Variants in PPP1R37 observed in about 807,000 individuals in gnomAD.
The protein encoded by PPP1R37 is protein phosphatase 1 regulatory subunit 37, also known as leucine rich repeat containing 68.
PPP1R37 carries 21 observed loss-of-function variants against 61.0 expected under a neutral mutation model. The ratio of observed to expected loss-of-function variants is 0.34; its 90% CI spans 0.24 to 0.50. PPP1R37 has a LOEUF of 0.50. Among genes scored for constraint, PPP1R37 ranks in the 20% least tolerant of loss-of-function variants. The pLI is 0.98. For missense variants in PPP1R37, 910 were observed against 952.7 expected, an observed-to-expected ratio of 0.96 and a Z score of 0.59; for synonymous variants, 443 against 433.5, an observed-to-expected ratio of 1.02 and a Z score of -0.27.
In PPP1R37 at chr19:45,145,589, G is replaced by A. The variant is rs758021006; in HGVS notation, c.1533G>A (p.Ser511=). 12 of 1,535,932 alleles carry A rather than the reference G, an allele frequency of 7.8e-6. No homozygotes were observed. Among genetic ancestry groups the A allele is most frequent in the Non-Finnish European group, 1.0e-5 (12 of 1,146,896 alleles). ...PSPDSDSDSD[S]DGEEEEEEEG... is the part of the protein sequence containing the mutation. Reference sequence around the variant, plus strand: ...CGGACTCAGACTCAGACTCGGACTCGGATGGGGAGGAAGAGGAGGAAGAGG... The same window carrying A: ...CGGACTCAGACTCAGACTCGGACTCAGATGGGGAGGAAGAGGAGGAAGAGG... The change falls in exon 11 of 13, where the codon TCG becomes TCA. Residue 511 remains serine, a synonymous_variant. Transcript: ENST00000221462.
chr19:45,141,471 C>T, intron 5 of PPP1R37, 30 bp downstream of exon 5: 1 of 754,762 alleles, frequency 1.3e-6, no homozygotes, highest in East Asian at 3.2e-5. Flanking sequence ...CAGGAAGAGG[C>T]AGCTCAGGCT....
chr19:45,143,206 TG>T, intron 7 of PPP1R37: 1 of 267,786 alleles, frequency 3.7e-6, no homozygotes, highest in Non-Finnish European at 7.2e-6. Context: ...TGTCAGATGG[TG>T]GGATCTGCAT....
At chr19:45,127,974 C>CAAAA (rs35001139) in intron 1 of PPP1R37, among the ~76,000 whole-genome samples, 1 of 61,854 alleles carries the variant, frequency 1.6e-5, no homozygotes, top group Non-Finnish European at 3.7e-5. Flanking sequence ...GACTCCATCT[C>CAAAA]AAAAAAAAAA....
rs545679991 is a variant in PPP1R37 at position 45,144,994 on chromosome 19, G to A, written c.1128G>A (p.Glu376=). The A allele has an allele frequency of 6.5e-7, 1 of 1,534,542 alleles. No individual in the cohort carries two copies. The highest frequency in any genetic ancestry group is 8.7e-7 in the Non-Finnish European group (1 of 1,146,198). The change falls in exon 9 of 13, where the codon GAG becomes GAA. Residue 376 remains glutamate, a splice_region_variant and synonymous_variant. Transcript: ENST00000221462. ...LGLASTKLTC[E]GAVAVAEFIA... Reference sequence around the variant, plus strand: ...TGGCCTCCACCAAGCTCACGTGCGAGGGTAGGGTACGGGGCCGGGCCAGGG... The same window carrying A: ...TGGCCTCCACCAAGCTCACGTGCGAAGGTAGGGTACGGGGCCGGGCCAGGG...
At position 45,145,230 on chromosome 19, in the gene PPP1R37, G is replaced by C. The variant is rs1401279474; in HGVS notation, c.1266G>C (p.Leu422=). 6.5e-7 allele frequency: 1 copy of C among 1,534,350 alleles called. No homozygotes were observed. Among genetic ancestry groups the C allele is most frequent in the East Asian group, 2.4e-5 (1 of 40,900 alleles). ...ALKVNHSLLR[L]DLDREPKKEA... ...AGGTGAACCACTCACTGCTGCGCCT[G>C]GACCTCGACCGTGAACCCAAGAAAG... The change falls in exon 10 of 13, where the codon CTG becomes CTC. Residue 422 remains leucine (L), a synonymous_variant. Transcript: ENST00000221462.
At chr19:45,112,920 A>C (rs941724920) in intron 1 of PPP1R37, among the ~76,000 whole-genome samples, 2 of 152,184 alleles carry the variant, frequency 1.3e-5, no homozygotes, top group Non-Finnish European at 2.9e-5. Context: ...GACTTTCTGG[A>C]GTAGGACCTG....
intron 1 of PPP1R37, among the ~76,000 whole-genome samples, chr19:45,118,041 C>T (rs1423306651): frequency 6.6e-6 from 1 of 152,206 alleles, no homozygotes; most frequent in Non-Finnish European, 1.5e-5. Context: ...ACCAGCGTCC[C>T]TTCATTTTTC....
intron 1 of PPP1R37, among the ~76,000 whole-genome samples, chr19:45,134,330 A>G (rs1968513077): frequency 6.6e-6 from 1 of 151,438 alleles, no homozygotes; most frequent in South Asian, 2.1e-4. Context: ...GGATACTAAT[A>G]CTCCCGTGAT....
chr19:45,133,220 G>T (rs1029149116), intron 1 of PPP1R37, among the ~76,000 whole-genome samples: 1 of 152,088 alleles, frequency 6.6e-6, no homozygotes, highest in Non-Finnish European at 1.5e-5. Context: ...AGTAGCTGGG[G>T]TTACAGGCAT....
At chr19:45,118,003 G>C (rs553015730) in intron 1 of PPP1R37, among the ~76,000 whole-genome samples, 98 of 152,314 alleles carry the variant, frequency 6.4e-4, no homozygotes, top group Non-Finnish European at 1.3e-3. Flanking sequence ...GGTGCCCAGC[G>C]GTTGTTCACT....
intron 8 of PPP1R37, chr19:45,144,486 TAC>T (rs2122758624): frequency 4.1e-6 from 1 of 244,114 alleles, no homozygotes; most frequent in South Asian, 1.1e-4. Context: ...GCCACTCAGG[TAC>T]AGAGACTCTC....
At chr19:45,106,425 G>A (rs985787592) in intron 1 of PPP1R37, among the ~76,000 whole-genome samples, 1 of 151,834 alleles carries the variant, frequency 6.6e-6, no homozygotes, top group Non-Finnish European at 1.5e-5. Flanking sequence ...TGTATTTTTA[G>A]TAGAGACAGG....
At chr19:45,116,742 C>T (rs1968272814) in intron 1 of PPP1R37, among the ~76,000 whole-genome samples, 1 of 152,164 alleles carries the variant, frequency 6.6e-6, no homozygotes, top group South Asian at 2.1e-4. Flanking sequence ...ACAGTGACGT[C>T]CCTAGACTCA....
chr19:45,117,211 C>A (rs1968279896), intron 1 of PPP1R37, among the ~76,000 whole-genome samples: 1 of 152,044 alleles, frequency 6.6e-6, no homozygotes, highest in South Asian at 2.1e-4. Flanking sequence ...TTGCGCCTGG[C>A]CAGGAGGTGA....
chr19:45,117,940 C>T (rs879323771), intron 1 of PPP1R37, among the ~76,000 whole-genome samples: 4 of 152,250 alleles, frequency 2.6e-5, no homozygotes, highest in Non-Finnish European at 5.9e-5. Context: ...CCAGCCCCCG[C>T]GTGATCCGCG....
In PPP1R37 at chr19:45,093,322, G is replaced by C; in HGVS notation, c.-4G>C. 1 of 1,445,138 alleles carries C rather than the reference G, an allele frequency of 6.9e-7. No individual in the cohort carries two copies. Among genetic ancestry groups the C allele is most frequent in the Non-Finnish European group, 9.0e-7 (1 of 1,105,080 alleles). The allele number at this position is 1,445,138 out of a possible 1,614,324, so 89.5% of individuals were successfully genotyped here. On this transcript the variant is annotated 5_prime_UTR_variant, in exon 1 of 13. Transcript: ENST00000221462. ...GGGGCCCCCGTGAGGAGGCGGCGGCGGCTATGGAGATCGCGCCGCAGGAGG... is the reference window on the plus strand; with the variant it reads ...GGGGCCCCCGTGAGGAGGCGGCGGCCGCTATGGAGATCGCGCCGCAGGAGG...
chr19:45,107,811 T>G (rs978758348), intron 1 of PPP1R37, among the ~76,000 whole-genome samples: 6 of 152,254 alleles, frequency 3.9e-5, no homozygotes, highest in Non-Finnish European at 7.3e-5. Context: ...GCTGTGAGGA[T>G]ACTGTAGATA....
Position 45,145,247 on chromosome 19 carries a change from C to T in PPP1R37, c.1283C>T (p.Pro428Leu). 6.5e-7 allele frequency: 1 copy of T among 1,532,650 alleles called. No individual in the cohort carries two copies. Among genetic ancestry groups the T allele is most frequent in the Middle Eastern group, 1.7e-4 (1 of 5,970 alleles). 94.9% of individuals were successfully genotyped at this position (1,532,650 alleles called of 1,614,324 possible). A position where few individuals can be genotyped will look rare whatever the true frequency, so the allele number is the denominator to read the frequency against. Residue 428 changes from proline (P) to leucine (L), a missense_variant, in exon 10 of 13, where the codon CCC (proline) becomes CTC (leucine). Pro to Leu is a moderately conservative substitution (Grantham distance 98, BLOSUM62 -3). Around this residue, in one of 3 missense-constraint regions of PPP1R37, gnomAD observed 549 missense variants for 505.1 expected, o/e 1.09. Transcript: ENST00000221462. ...SLLRLDLDRE[P>L]KKEAVKSFIE... ...CTGCGCCTGGACCTCGACCGTGAAC[C>T]CAAGAAAGAGGCGGTGAGCAGGGGA...
chr19:45,112,075 T>G (rs1167100653), intron 1 of PPP1R37, among the ~76,000 whole-genome samples: 4 of 151,998 alleles, frequency 2.6e-5, no homozygotes, highest in African/African-American at 9.7e-5. Context: ...TTCAGGCGAT[T>G]CTCCTGCCTC....
Sources: allele counts gnomAD v4.1 joint callset (sites outside exome capture counted in the v4.1 genomes callset), GRCh38; gene constraint gnomAD v4.1.1; regional missense constraint gnomAD v4.1.1; transcripts MANE v1.5; gene names NCBI Gene and HGNC (gene_info 2026-07-23, HGNC 2026-07-21).